MECOM: variants seen among roughly 807,000 people sequenced by gnomAD.
MECOM encodes MDS1 and EVI1 complex locus.
Under a neutral mutation model 116.3 loss-of-function variants are expected in MECOM, and 13 were observed. That is an observed-to-expected ratio of 0.11 (90% CI 0.07 to 0.18). MECOM has a LOEUF of 0.18. MECOM is among the 10% of genes least tolerant of loss of function. The pLI is 1.00. For synonymous variants in MECOM, 528 were observed against 535.2 expected, an observed-to-expected ratio of 0.99 and a Z score of 0.19; for missense variants, 1,299 against 1,509.0, an observed-to-expected ratio of 0.86 and a Z score of 2.31.
At chr3:169,633,825 G>C (rs1275916289) in intron 1 of MECOM, among the ~76,000 whole-genome samples, 2 of 151,438 alleles carry the variant, frequency 1.3e-5, no homozygotes, top group African/African-American at 2.4e-5. Context: ...ACAAGCAAAG[G>C]GTGAAGTGTC....
chr3:169,650,575 A>G (rs1774768229), intron 1 of MECOM, among the ~76,000 whole-genome samples: 1 of 152,160 alleles, frequency 6.6e-6, no homozygotes, highest in South Asian at 2.1e-4. Flanking sequence ...TAGCACAGAT[A>G]TATCACAGTG....
At chr3:169,104,866 C>T (rs934026087) in intron 10 of MECOM, among the ~76,000 whole-genome samples, 9 of 152,030 alleles carry the variant, frequency 5.9e-5, no homozygotes, top group Admixed American at 4.6e-4. Flanking sequence ...CAAACTGTTT[C>T]GATTTGGGAA....
intron 2 of MECOM, among the ~76,000 whole-genome samples, chr3:169,247,555 C>T (rs1054977538): frequency 4.6e-5 from 7 of 152,170 alleles, no homozygotes; most frequent in South Asian, 2.1e-4. Flanking sequence ...CTACCCGCCT[C>T]GGCCTCCCAA....
intron 2 of MECOM, among the ~76,000 whole-genome samples, chr3:169,352,938 G>A (rs1726613985): frequency 6.6e-6 from 1 of 151,938 alleles, no homozygotes; most frequent in African/African-American, 2.4e-5. Context: ...TGGCCCATTT[G>A]AGCTGAATGA....
In MECOM at chr3:169,472,638, G is replaced by GAAAAGA. The variant is rs1560318926; in HGVS notation, c.38-91115_38-91114insTCTTTT. Among the ~76,000 whole-genome samples the GAAAAGA allele has an allele frequency of 7.7e-4, 48 of 61,972 alleles. 2 individuals are homozygous for GAAAAGA. Among genetic ancestry groups the GAAAAGA allele is most frequent in the African/African-American group, 4.1e-3 (42 of 10,298 alleles). The allele number at this position is 61,972 out of a possible 152,430, so 40.7% of individuals were successfully genotyped here. A position where few individuals can be genotyped will look rare whatever the true frequency, so the allele number is the denominator to read the frequency against. The stretch of plus-strand genomic sequence containing the variant: ...GAAAGAAAAGAAAAGAAAAGAAAAG[G>GAAAAGA]AAAGGAAAGGAAAAGAAAAGAAAGG... On this transcript the variant is annotated intron_variant, in intron 1 of 16. Coordinates refer to ENST00000651503, the MANE Select transcript of MECOM (RefSeq NM_004991.4).
chr3:169,581,420 C>T (rs1003780184), intron 1 of MECOM, among the ~76,000 whole-genome samples: 1 of 152,044 alleles, frequency 6.6e-6, no homozygotes, highest in Non-Finnish European at 1.5e-5. Flanking sequence ...CCATGATAGT[C>T]TTTATTTTCT....
At chr3:169,216,692 G>A (rs784289) in intron 2 of MECOM, among the ~76,000 whole-genome samples, 139,080 of 152,084 alleles carry the variant, frequency 0.91, 63,655 homozygotes, top group Middle Eastern at 0.96. Flanking sequence ...AATATTGGGG[G>A]AAAGCCTTGT....
chr3:169,530,946 C>T (rs953548554), intron 1 of MECOM, among the ~76,000 whole-genome samples: 4 of 151,868 alleles, frequency 2.6e-5, no homozygotes, highest in Admixed American at 1.3e-4. Context: ...TTTGCCTGCA[C>T]GACAAAGATG....
At chr3:169,170,542 C>T (rs1041502403) in intron 2 of MECOM, among the ~76,000 whole-genome samples, 4 of 151,914 alleles carry the variant, frequency 2.6e-5, no homozygotes, top group Non-Finnish European at 4.4e-5. Context: ...TATACACTTT[C>T]GTGGATGCTG....
At chr3:169,202,819 CAA>C (rs11287862) in intron 2 of MECOM, among the ~76,000 whole-genome samples, 994 of 90,232 alleles carry the variant, frequency 0.011, 5 homozygotes, top group African/African-American at 0.027. Context: ...TTGCCATTAG[CAA>C]AAAAAAAAAA....
intron 3 of MECOM, among the ~76,000 whole-genome samples, chr3:169,141,256 A>C (rs1443228640): frequency 6.6e-6 from 1 of 152,056 alleles, no homozygotes; most frequent in Non-Finnish European, 1.5e-5. Context: ...TCTAAAATTC[A>C]CTTGATAAAC....
chr3:169,535,476 G>T (rs927508584), intron 1 of MECOM, among the ~76,000 whole-genome samples: 1 of 152,100 alleles, frequency 6.6e-6, no homozygotes, highest in Non-Finnish European at 1.5e-5. Flanking sequence ...CAAATGTCTA[G>T]GTGCCACCTG....
At chr3:169,555,345 T>C (rs1761900297) in intron 1 of MECOM, among the ~76,000 whole-genome samples, 2 of 152,032 alleles carry the variant, frequency 1.3e-5, no homozygotes, top group South Asian at 4.2e-4. Context: ...GGAAAGCACA[T>C]AGAAAAATGT....
chr3:169,640,693 G>A (rs1773358123), intron 1 of MECOM, among the ~76,000 whole-genome samples: 1 of 152,166 alleles, frequency 6.6e-6, no homozygotes, highest in Non-Finnish European at 1.5e-5. Context: ...TGAAGTCGGT[G>A]GTCTCATCTC....
intron 1 of MECOM, chr3:169,566,015 G>A (rs1476407771): frequency 4.6e-6 from 2 of 430,184 alleles, no homozygotes; most frequent in Admixed American, 5.1e-5. Context: ...AATTGTGGTG[G>A]AAGGCGAAGG....
At chr3:169,199,410 GT>G (rs1419647741) in intron 2 of MECOM, among the ~76,000 whole-genome samples, 5 of 151,884 alleles carry the variant, frequency 3.3e-5, no homozygotes, top group Non-Finnish European at 7.4e-5. Context: ...CTTTTCTTTT[GT>G]TTTCTTTCTT....
At chr3:169,158,643 G>T (rs531894349) in intron 2 of MECOM, among the ~76,000 whole-genome samples, 1 of 152,126 alleles carries the variant, frequency 6.6e-6, no homozygotes. Context: ...CCGAAGCCAC[G>T]GTGGTCCATT....
chr3:169,434,842 C>T (rs532107500), intron 1 of MECOM, among the ~76,000 whole-genome samples: 10 of 152,156 alleles, frequency 6.6e-5, no homozygotes, highest in Non-Finnish European at 1.0e-4. Flanking sequence ...CAGTCTGTTT[C>T]ATCAATCTTT....
chr3:169,320,253 T>C (rs1387475097), intron 2 of MECOM, among the ~76,000 whole-genome samples: 1 of 152,172 alleles, frequency 6.6e-6, no homozygotes, highest in African/African-American at 2.4e-5. Flanking sequence ...GAGAAACATA[T>C]GTCATCCAAA....
Sources: gnomAD v4.1 joint callset for allele counts (sites outside exome capture counted in the v4.1 genomes callset) on GRCh38, gnomAD v4.1.1 for gene constraint, MANE v1.5 for transcripts, NCBI Gene and HGNC (gene_info 2026-07-23, HGNC 2026-07-21) for gene names.